Variants in KANK4 observed in about 807,000 individuals in gnomAD.
KANK4 encodes KN motif and ankyrin repeat domains 4, also known as KN motif and ankyrin repeat domain-containing protein 4.
KANK4 carries 50 observed loss-of-function variants against 80.8 expected under a neutral mutation model. The ratio of observed to expected loss-of-function variants is 0.62; its 90% CI spans 0.49 to 0.78. The LOEUF is 0.78. KANK4 is among the 30% of genes least tolerant of loss of function. The pLI is 0.00. For synonymous variants in KANK4, 465 were observed against 506.9 expected, an observed-to-expected ratio of 0.92 and a Z score of 1.11; for missense variants, 1,196 against 1,240.1, an observed-to-expected ratio of 0.96 and a Z score of 0.53.
At position 62,288,176 on chromosome 1, in the gene KANK4, A is replaced by G. The variant is rs142869645; in HGVS notation, c.-70-6542T>C. ...GCCACACAGACCATCTCCTGAACCAAACATGTTTATCCACAAGAACTTTCC... is the reference window on the plus strand; with the variant it reads ...GCCACACAGACCATCTCCTGAACCAGACATGTTTATCCACAAGAACTTTCC... On this transcript the variant is annotated intron_variant, in intron 1 of 9. Transcript: ENST00000371153. Among the ~76,000 whole-genome samples, 16 of 152,292 alleles carry G rather than the reference A, an allele frequency of 1.1e-4. No individual in the cohort carries two copies. The East Asian group carries it at 3.1e-3, about 29-fold the overall frequency.
chr1:62,277,050 C>T (rs944254667), intron 2 of KANK4, among the ~76,000 whole-genome samples: 3 of 152,168 alleles, frequency 2.0e-5, no homozygotes, highest in Non-Finnish European at 4.4e-5. Context: ...ATTTATTGAG[C>T]ACCTATGTGC....
Position 62,274,902 on chromosome 1 carries a change from T to A in KANK4, c.202A>T (p.Thr68Ser), listed in dbSNP as rs1571006379. The stretch of plus-strand genomic sequence containing the variant: ...GGAAGGCTGAAGTTTCGGGGCAGAG[T>A]GCTAAATTTGGCCTGCTTGGCCCTT... ...HRRAKQAKFS[T>S]LPRNFSLPDS... The change falls in exon 3 of 10, where the codon ACT (threonine) becomes TCT (serine). Residue 68 changes from threonine (T) to serine (S), a missense_variant. By Grantham distance (58) the Thr-to-Ser change is moderately conservative (BLOSUM62 1). Around this residue, in one of 3 missense-constraint regions of KANK4, gnomAD observed 1,154 missense variants for 1,179.6 expected, o/e 0.98. Transcript: ENST00000371153. 1.2e-6 allele frequency: 2 copies of A among 1,613,908 alleles called. No homozygotes were observed. Among genetic ancestry groups the A allele is most frequent in the Non-Finnish European group, 8.5e-7 (1 of 1,179,950 alleles).
rs375553146 is a variant in KANK4 at position 62,273,304 on chromosome 1, C to T, written c.1800G>A (p.Gln600=). The T allele has an allele frequency of 1.7e-4, 269 of 1,601,524 alleles. No individual in the cohort carries two copies. Among genetic ancestry groups the T allele is most frequent in the Non-Finnish European group, 2.1e-4 (246 of 1,170,966 alleles). The part of the protein sequence containing the change: ...KQPASKLSSI[Q]SQLLSSLNLL... ...GGTTGAGGGAGCTCAGCAGCTGGCT[C>T]TGGATGCTGCTGAGCTTGGAGGCTG... Residue 600 remains glutamine (Q), a synonymous_variant, in exon 3 of 10, where the codon CAG becomes CAA. Coordinates refer to ENST00000371153, the MANE Select transcript of KANK4 (RefSeq NM_181712.5).
chr1:62,258,241 C>T (rs1671795664), intron 7 of KANK4, among the ~76,000 whole-genome samples: 1 of 152,160 alleles, frequency 6.6e-6, no homozygotes, highest in South Asian at 2.1e-4. Context: ...ATGTATATCA[C>T]ACTAAGCCCA....
chr1:62,248,794 C>G (rs1671535315), intron 8 of KANK4, among the ~76,000 whole-genome samples: 1 of 149,466 alleles, frequency 6.7e-6, no homozygotes, highest in South Asian at 2.1e-4. Flanking sequence ...ATCCGCCTGC[C>G]TTGGCCTCCC....
At chr1:62,313,113 TTGTTA>T (rs1288183239) in intron 1 of KANK4, among the ~76,000 whole-genome samples, 1 of 152,218 alleles carries the variant, frequency 6.6e-6, no homozygotes, top group African/African-American at 2.4e-5. Flanking sequence ...TACAGTATTA[TTGTTA>T]TAATTGTTGT....
chr1:62,251,867 C>T (rs1017672788), intron 8 of KANK4, among the ~76,000 whole-genome samples: 2 of 152,136 alleles, frequency 1.3e-5, no homozygotes, highest in Admixed American at 1.3e-4. Flanking sequence ...TGGCGGGTGC[C>T]TGTAGTCCCA....
At chr1:62,253,409 C>CCTT (rs1671673070) in intron 7 of KANK4, among the ~76,000 whole-genome samples, 200 bp from the exon 8 acceptor site, 2 of 110,982 alleles carry the variant, frequency 1.8e-5, no homozygotes, top group Non-Finnish European at 3.5e-5. Flanking sequence ...TTCTTTCTTT[C>CCTT]TTTTTTTTTT....
intron 8 of KANK4, 129 bp downstream of exon 8, chr1:62,252,938 T>C: frequency 8.9e-7 from 1 of 1,123,376 alleles, no homozygotes; most frequent in Non-Finnish European, 1.3e-6. Flanking sequence ...CCTGATGCCA[T>C]TTGGAGGTCC....
chr1:62,275,037 G>A lies in KANK4; in HGVS notation c.67C>T (p.His23Tyr). 6.2e-7 allele frequency: 1 copy of A among 1,613,908 alleles called. No homozygotes were observed. The highest frequency in any genetic ancestry group is 1.7e-5 in the Admixed American group (1 of 60,010). ...GDEEKDPPKS[H>Y]PYSVETPYGF... is the part of the protein sequence containing the mutation. Reference sequence around the variant, plus strand: ...TATGGGGTCTCCACAGAATAAGGGTGGCTCTTCGGAGGGTCTTTCTCTTCA... The same window carrying A: ...TATGGGGTCTCCACAGAATAAGGGTAGCTCTTCGGAGGGTCTTTCTCTTCA... The change falls in exon 3 of 10, where the codon CAC becomes TAC. Residue 23 changes from histidine (H) to tyrosine (Y), a missense_variant. Physicochemically the swap from His to Tyr is moderately conservative, Grantham distance 83. Around this residue, in one of 3 missense-constraint regions of KANK4, gnomAD observed 36 missense variants for 34.0 expected, o/e 1.06. Transcript: ENST00000371153.
chr1:62,310,602 G>A (rs564472676), intron 1 of KANK4, among the ~76,000 whole-genome samples: 206 of 152,322 alleles, frequency 1.4e-3, no homozygotes, highest in Non-Finnish European at 2.6e-3. Context: ...ACTGGGAAGG[G>A]GAGAAGGAGC....
chr1:62,243,152 T>G (rs958002165), intron 9 of KANK4, among the ~76,000 whole-genome samples: 6 of 152,066 alleles, frequency 3.9e-5, no homozygotes, highest in African/African-American at 1.4e-4. Flanking sequence ...ATTTCCTGAT[T>G]GGCACTCCAG....
intron 1 of KANK4, among the ~76,000 whole-genome samples, chr1:62,295,251 G>A (rs1054139207): frequency 4.0e-5 from 6 of 151,850 alleles, no homozygotes; most frequent in African/African-American, 1.5e-4. Context: ...CGATTCTCCT[G>A]CCTCAGCCTC....
chr1:62,242,361 C>CAAAAAAAAAAAAAAAA (rs57320794), intron 9 of KANK4, among the ~76,000 whole-genome samples: 2 of 66,142 alleles, frequency 3.0e-5, no homozygotes, highest in African/African-American at 7.3e-5. Context: ...GACCATACCT[C>CAAAAAAAAAAAAAAAA]AAAAAAAAAA....
rs1672033738 is a variant in KANK4, at chr1:62,266,803, C to A, written c.2248G>T (p.Glu750Ter). Reference protein sequence around the residue: ...SKAERYKPSEEFLNACRALSQ... With the variant: ...SKAERYKPSE ...AGTGCCCGGCATGCATTAAGAAATT[C>A]TTCTGAGGGTTTATATCTAAATAAA... The change falls in exon 6 of 10, where the codon GAA becomes TAA. Residue 750 changes from glutamate to a stop codon, truncating the protein, a stop_gained. Coordinates refer to ENST00000371153, the MANE Select transcript of KANK4 (RefSeq NM_181712.5). LOFTEE classifies it high-confidence loss of function. 1 of 1,609,192 alleles carries A rather than the reference C, an allele frequency of 6.2e-7. No homozygotes were observed. Among genetic ancestry groups the A allele is most frequent in the Non-Finnish European group, 8.5e-7 (1 of 1,175,708 alleles).
intron 1 of KANK4, among the ~76,000 whole-genome samples, chr1:62,297,529 A>G (rs1286811689): frequency 6.6e-6 from 1 of 152,198 alleles, no homozygotes; most frequent in African/African-American, 2.4e-5. Context: ...GTAGCCATCT[A>G]TGAAGCAAGT....
rs185160992 is a variant in KANK4 at position 62,261,285 on chromosome 1, A to T, written c.2539+1807T>A. ...GTTATTCTCCTGCTTCAGCCTCCTGAGTAGCTAGGATTACAGGCATGCGTC... is the reference window on the plus strand; with the variant it reads ...GTTATTCTCCTGCTTCAGCCTCCTGTGTAGCTAGGATTACAGGCATGCGTC... On this transcript the variant is annotated intron_variant, in intron 7 of 9. Transcript: ENST00000371153. Among the ~76,000 whole-genome samples the T allele has an allele frequency of 3.9e-3, 586 of 151,124 alleles. 7 individuals carry two copies. Among genetic ancestry groups the T allele is most frequent in the African/African-American group, 0.014 (568 of 41,130 alleles).
At position 62,307,494 on chromosome 1, in the gene KANK4, A is replaced by AAAG. The variant is rs1644462155; in HGVS notation, c.-71+11611_-71+11612insCTT. On this transcript the variant is annotated intron_variant, in intron 1 of 9. Coordinates refer to ENST00000371153, the MANE Select transcript of KANK4 (RefSeq NM_181712.5). ...GAGACTCTGCCAAAAAAAAAAAAAA[A>AAAG]AAAATTCCTGAGGAGTAGTTAAAAT... Among the ~76,000 whole-genome samples the AAAG allele has an allele frequency of 4.0e-5, 6 of 151,842 alleles. No individual in the cohort carries two copies. In the South Asian group the frequency reaches 1.3e-3, roughly 32 times the overall value.
intron 9 of KANK4, among the ~76,000 whole-genome samples, chr1:62,242,720 C>T (rs768776516): frequency 7.2e-5 from 11 of 152,152 alleles, no homozygotes; most frequent in Non-Finnish European, 1.5e-4. Flanking sequence ...AATTTCAGGA[C>T]ATGAATTCTC....
Sources: gnomAD v4.1 joint callset for allele counts (sites outside exome capture counted in the v4.1 genomes callset) on GRCh38, gnomAD v4.1.1 for gene constraint, gnomAD v4.1.1 regional missense constraint, MANE v1.5 for transcripts, NCBI Gene and HGNC (gene_info 2026-07-23, HGNC 2026-07-21) for gene names.